FRAT2: variants seen among roughly 807,000 people sequenced by gnomAD.
The protein encoded by FRAT2 is FRAT regulator of Wnt signaling pathway 2, also known as GSK-3-binding protein FRAT2.
For missense variants in FRAT2, 326 were observed against 340.8 expected, an observed-to-expected ratio of 0.96 and a Z score of 0.34; for synonymous variants, 205 against 171.5, an observed-to-expected ratio of 1.20 and a Z score of -1.53.
rs748673124 is a variant in FRAT2, at chr10:97,333,911, G to A, written c.662C>T (p.Pro221Leu). Residue 221 changes from proline (P) to leucine (L), a missense_variant, in exon 1 of 1, where the codon CCT becomes CTT. Coordinates refer to ENST00000371019, the MANE Select transcript of FRAT2 (RefSeq NM_012083.3). Reference sequence around the variant, plus strand: ...TGAGGGCTGCAGGGCAATGCGGTCAGGTCCGCTGCGGCCTCCCCCGGGCCC... The same window carrying A: ...TGAGGGCTGCAGGGCAATGCGGTCAAGTCCGCTGCGGCCTCCCCCGGGCCC... ...APGPGGGRSG[P>L]DRIALQPSGS... 40 of 1,568,556 alleles carry A rather than the reference G, an allele frequency of 2.6e-5. No individual in the cohort carries two copies. In the Admixed American group the frequency reaches 4.3e-4, roughly 17 times the overall value.
chr10:97,333,747 G>A lies in FRAT2; in HGVS notation c.*124C>T. 5 of 1,073,228 alleles carry A rather than the reference G, an allele frequency of 4.7e-6. No homozygotes were observed. The highest frequency in any genetic ancestry group is 6.2e-6 in the Non-Finnish European group (5 of 802,970). The allele number at this position is 1,073,228 out of a possible 1,614,324, so 66.5% of individuals were successfully genotyped here. A position where few individuals can be genotyped will look rare whatever the true frequency, so the allele number is the denominator to read the frequency against. ...CTCTGGTTGAGATCTCTCCCCACGC[G>A]CCTCCCCGCAGCCAAAGTGGTCGCT... On this transcript the variant is annotated 3_prime_UTR_variant, in exon 1 of 1. Coordinates refer to ENST00000371019, the MANE Select transcript of FRAT2 (RefSeq NM_012083.3).
At position 97,332,935 on chromosome 10, in the gene FRAT2, A is replaced by AAG. The variant is rs1184589644; in HGVS notation, c.*934_*935dup. On this transcript the variant is annotated 3_prime_UTR_variant, in exon 1 of 1. Coordinates refer to ENST00000371019, the MANE Select transcript of FRAT2 (RefSeq NM_012083.3). ...AGAAAGCTCAGCTGGGAGGACAAGA[A>AAG]AGAGACTCAAGAGATCGTTTATGAC... is the stretch of plus-strand genomic sequence containing the variant. The AAG allele has an allele frequency of 6.6e-6, 1 of 152,264 alleles. No homozygotes were observed. The highest frequency in any genetic ancestry group is 1.9e-4 in the East Asian group (1 of 5,192). 9.4% of individuals were successfully genotyped at this position (152,264 alleles called of 1,614,324 possible).
chr10:97,334,672 G>C lies in FRAT2; in HGVS notation c.-100C>G, dbSNP rs927327626. ...GCGAAGCCGGAGCAGGGGCGGACGCGGAAGCCGGAGCCCGCCAGGCACTCG... is the reference window on the plus strand; with the variant it reads ...GCGAAGCCGGAGCAGGGGCGGACGCCGAAGCCGGAGCCCGCCAGGCACTCG... On this transcript the variant is annotated 5_prime_UTR_variant, in exon 1 of 1. Coordinates refer to ENST00000371019, the MANE Select transcript of FRAT2 (RefSeq NM_012083.3). The C allele has an allele frequency of 1.6e-6, 2 of 1,263,164 alleles. No individual in the cohort carries two copies. The highest frequency in any genetic ancestry group is 3.2e-5 in the East Asian group (1 of 31,508). The allele number at this position is 1,263,164 out of a possible 1,614,324, so 78.2% of individuals were successfully genotyped here.
In FRAT2 at chr10:97,334,705, C is replaced by G. The variant is rs538698316; in HGVS notation, c.-133G>C. ...GAGCCCGCCAGGCACTCGAGCCACG[C>G]GCCTGCAGCCGCTGGAGCCGGAATC... On this transcript the variant is annotated 5_prime_UTR_variant, in exon 1 of 1. Coordinates refer to ENST00000371019, the MANE Select transcript of FRAT2 (RefSeq NM_012083.3). 150 of 1,066,898 alleles carry G rather than the reference C, an allele frequency of 1.4e-4. 1 individual carries two copies. In the African/African-American group the frequency reaches 2.0e-3, roughly 14 times the overall value. 66.1% of individuals were successfully genotyped at this position (1,066,898 alleles called of 1,614,324 possible). A position where few individuals can be genotyped will look rare whatever the true frequency, so the allele number is the denominator to read the frequency against.
chr10:97,333,592 T>C lies in FRAT2; in HGVS notation c.*279A>G. On this transcript the variant is annotated 3_prime_UTR_variant, in exon 1 of 1. Coordinates refer to ENST00000371019, the MANE Select transcript of FRAT2 (RefSeq NM_012083.3). ...AGTCGATGCAAGTAGCTGCCATAGT[T>C]CTCCCAGTTTATCCCAGGTCCTTGG... 1 of 400,648 alleles carries C rather than the reference T, an allele frequency of 2.5e-6. No individual in the cohort carries two copies. The highest frequency in any genetic ancestry group is 4.4e-6 in the Non-Finnish European group (1 of 225,188). 24.8% of individuals were successfully genotyped at this position (400,648 alleles called of 1,614,324 possible).
Position 97,333,719 on chromosome 10 carries a change from C to A in FRAT2, c.*152G>T. On this transcript the variant is annotated 3_prime_UTR_variant, in exon 1 of 1. Coordinates refer to ENST00000371019, the MANE Select transcript of FRAT2 (RefSeq NM_012083.3). ...CCGACGGCCTCGCCGCGGCTGGTAACTTCTCTGGTTGAGATCTCTCCCCAC... is the reference window on the plus strand; with the variant it reads ...CCGACGGCCTCGCCGCGGCTGGTAAATTCTCTGGTTGAGATCTCTCCCCAC... The A allele has an allele frequency of 1.3e-6, 1 of 796,810 alleles. No homozygotes were observed. The allele number at this position is 796,810 out of a possible 1,614,324, so 49.4% of individuals were successfully genotyped here. A position where few individuals can be genotyped will look rare whatever the true frequency, so the allele number is the denominator to read the frequency against.
In FRAT2 at chr10:97,334,347, G is replaced by A. The variant is rs1187598503; in HGVS notation, c.226C>T (p.Pro76Ser). Residue 76 changes from proline to serine, a missense_variant, in exon 1 of 1, where the codon CCC becomes TCC. Physicochemically the swap from Pro to Ser is moderately conservative, Grantham distance 74. Transcript: ENST00000371019. Reference sequence around the variant, plus strand: ...TCCGCCGGCACCGCCGCAGCCAGGGGCCCCGGGGCCCGCAGCGGCACCCCC... The same window carrying A: ...TCCGCCGGCACCGCCGCAGCCAGGGACCCCGGGGCCCGCAGCGGCACCCCC... The part of the protein sequence containing the change: ...PPGVPLRAPG[P>S]LAAAVPADKA... 5 of 1,194,408 alleles carry A rather than the reference G, an allele frequency of 4.2e-6. No homozygotes were observed. The highest frequency in any genetic ancestry group is 3.5e-5 in the East Asian group (1 of 28,556). 74.0% of individuals were successfully genotyped at this position (1,194,408 alleles called of 1,614,324 possible).
Position 97,333,506 on chromosome 10 carries a change from C to T in FRAT2, c.*365G>A, listed in dbSNP as rs1409865186. The stretch of plus-strand genomic sequence containing the variant: ...TGTTATAAAGCCATCGCGATTCCTA[C>T]CCCTGAGCCCTCCTTAAACAATCCA... On this transcript the variant is annotated 3_prime_UTR_variant, in exon 1 of 1. Coordinates refer to ENST00000371019, the MANE Select transcript of FRAT2 (RefSeq NM_012083.3). 3 of 251,288 alleles carry T rather than the reference C, an allele frequency of 1.2e-5. No homozygotes were observed. Among genetic ancestry groups the T allele is most frequent in the African/African-American group, 2.2e-5 (1 of 45,212 alleles). 15.6% of individuals were successfully genotyped at this position (251,288 alleles called of 1,614,324 possible). A position where few individuals can be genotyped will look rare whatever the true frequency, so the allele number is the denominator to read the frequency against.
Position 97,334,648 on chromosome 10 carries a change from CGAAGCCGGAGCAGGGGCGGACGCG to C in FRAT2, c.-100_-77del, listed in dbSNP as rs1345234103. Reference sequence around the variant, plus strand: ...TTGCCCGCGGGCGCGGAGCTGCGGGCGAAGCCGGAGCAGGGGCGGACGCGGAAGCCGGAGCCCGCCAGGCACTCG... The same window carrying C: ...TTGCCCGCGGGCGCGGAGCTGCGGGCGAAGCCGGAGCCCGCCAGGCACTCG... On this transcript the variant is annotated 5_prime_UTR_variant, in exon 1 of 1. Coordinates refer to ENST00000371019, the MANE Select transcript of FRAT2 (RefSeq NM_012083.3). The C allele has an allele frequency of 4.2e-5, 54 of 1,296,538 alleles. No homozygotes were observed. In the African/African-American group the frequency reaches 6.8e-4, roughly 16 times the overall value. The allele number at this position is 1,296,538 out of a possible 1,614,324, so 80.3% of individuals were successfully genotyped here. A position where few individuals can be genotyped will look rare whatever the true frequency, so the allele number is the denominator to read the frequency against.
Position 97,334,216 on chromosome 10 carries a change from G to C in FRAT2, c.357C>G (p.Gly119=). Residue 119 remains glycine (G), a synonymous_variant, in exon 1 of 1, where the codon GGC becomes GGG. Transcript: ENST00000371019. ...GALRCALGDR[G]RVRGRAAPYC... is the part of the protein sequence containing the mutation. ...AGGGCGCAGCGCGTCCGCGCACGCG[G>C]CCGCGGTCCCCTAGGGCGCAGCGCA... is the stretch of plus-strand genomic sequence containing the variant. 1.6e-6 allele frequency: 2 copies of C among 1,258,872 alleles called. No homozygotes were observed. Among genetic ancestry groups the C allele is most frequent in the Non-Finnish European group, 2.0e-6 (2 of 1,005,924 alleles). The allele number at this position is 1,258,872 out of a possible 1,614,324, so 78.0% of individuals were successfully genotyped here. A position where few individuals can be genotyped will look rare whatever the true frequency, so the allele number is the denominator to read the frequency against.
rs1331339350 is a variant in FRAT2, at chr10:97,333,807, A to T, written c.*64T>A. ...GCGACGTCGGCTTCAGCTCAGAGTTAGTAGGAACTGGACGCTGTTGGGTCT... is the reference window on the plus strand; with the variant it reads ...GCGACGTCGGCTTCAGCTCAGAGTTTGTAGGAACTGGACGCTGTTGGGTCT... On this transcript the variant is annotated 3_prime_UTR_variant, in exon 1 of 1. Transcript: ENST00000371019. 2 of 1,393,960 alleles carry T rather than the reference A, an allele frequency of 1.4e-6. No homozygotes were observed. Among genetic ancestry groups the T allele is most frequent in the African/African-American group, 3.0e-5 (2 of 66,706 alleles). The allele number at this position is 1,393,960 out of a possible 1,614,324, so 86.3% of individuals were successfully genotyped here. A position where few individuals can be genotyped will look rare whatever the true frequency, so the allele number is the denominator to read the frequency against.
At position 97,334,026 on chromosome 10, in the gene FRAT2, C is replaced by A. The variant is rs778321683; in HGVS notation, c.547G>T (p.Val183Leu). ...TCCTTGATGAGGTTTCCCGAGAGCACGAGCTGCTGGAGGAGCCGATGCGGG... is the reference window on the plus strand; with the variant it reads ...TCCTTGATGAGGTTTCCCGAGAGCAAGAGCTGCTGGAGGAGCCGATGCGGG... ...DDPHRLLQQL[V>L]LSGNLIKEAV... The change falls in exon 1 of 1, where the codon GTG becomes TTG. Residue 183 changes from valine (V) to leucine (L), a missense_variant. By Grantham distance (32) the Val-to-Leu change is conservative. Coordinates refer to ENST00000371019, the MANE Select transcript of FRAT2 (RefSeq NM_012083.3). The A allele has an allele frequency of 8.8e-6, 14 of 1,595,876 alleles. No homozygotes were observed. Among genetic ancestry groups the A allele is most frequent in the Non-Finnish European group, 1.2e-5 (14 of 1,178,612 alleles).
Position 97,334,523 on chromosome 10 carries a change from CCCTCCG to C in FRAT2, c.44_49del (p.Ala15_Glu16del), listed in dbSNP as rs1403897341. 6.7e-6 allele frequency: 10 copies of C among 1,494,730 alleles called. No individual in the cohort carries two copies. Among genetic ancestry groups the C allele is most frequent in the South Asian group, 3.7e-5 (3 of 80,428 alleles). 92.6% of individuals were successfully genotyped at this position (1,494,730 alleles called of 1,614,324 possible). ...GAAGCTGTCGTCCTCCTCTTCCTCC[CCCTCCG>C]CCTCCTCGCCGGCTTCCTCTTCCTC... On this transcript the variant is annotated inframe_deletion, in exon 1 of 1. Coordinates refer to ENST00000371019, the MANE Select transcript of FRAT2 (RefSeq NM_012083.3).
At position 97,334,309 on chromosome 10, in the gene FRAT2, G is replaced by T. The variant is rs1391145222; in HGVS notation, c.264C>A (p.Pro88=). The T allele has an allele frequency of 8.8e-7, 1 of 1,136,404 alleles. No homozygotes were observed. The highest frequency in any genetic ancestry group is 4.8e-5 in the East Asian group (1 of 20,926). The allele number at this position is 1,136,404 out of a possible 1,614,324, so 70.4% of individuals were successfully genotyped here. A position where few individuals can be genotyped will look rare whatever the true frequency, so the allele number is the denominator to read the frequency against. ...GCGGCAGCAGCAGCGGCACCGCCGG[G>T]GGCCGGGCCTTGTCCGCCGGCACCG... ...AAAVPADKAR[P]PAVPLLLPPA... is the part of the protein sequence containing the mutation. Residue 88 remains proline, a synonymous_variant, in exon 1 of 1, where the codon CCC becomes CCA. Transcript: ENST00000371019.
rs1843546856 is a variant in FRAT2 at position 97,333,761 on chromosome 10, A to G, written c.*110T>C. 3.3e-6 allele frequency: 4 copies of G among 1,229,274 alleles called. No homozygotes were observed. The highest frequency in any genetic ancestry group is 4.2e-6 in the Non-Finnish European group (4 of 945,234). The allele number at this position is 1,229,274 out of a possible 1,614,324, so 76.1% of individuals were successfully genotyped here. On this transcript the variant is annotated 3_prime_UTR_variant, in exon 1 of 1. Coordinates refer to ENST00000371019, the MANE Select transcript of FRAT2 (RefSeq NM_012083.3). ...TCTCCCCACGCGCCTCCCCGCAGCC[A>G]AAGTGGTCGCTCCCAGGCTGGCGAC...
Position 97,334,373 on chromosome 10 carries a change from G to A in FRAT2, c.200C>T (p.Pro67Leu), listed in dbSNP as rs1350730978. Residue 67 changes from proline (P) to leucine (L), a missense_variant, in exon 1 of 1, where the codon CCG (proline) becomes CTG (leucine). Coordinates refer to ENST00000371019, the MANE Select transcript of FRAT2 (RefSeq NM_012083.3). ...CCCCGGGGCCCGCAGCGGCACCCCC[G>A]GGGGCGCGCACGGCGAGGCCGGGCT... ...QDSPASPCAPPGVPLRAPGPL... is the reference protein window; with the variant it reads ...QDSPASPCAPLGVPLRAPGPL... 2.4e-6 allele frequency: 3 copies of A among 1,238,832 alleles called. No individual in the cohort carries two copies. Among genetic ancestry groups the A allele is most frequent in the South Asian group, 3.4e-5 (1 of 29,218 alleles). The allele number at this position is 1,238,832 out of a possible 1,614,324, so 76.7% of individuals were successfully genotyped here. A position where few individuals can be genotyped will look rare whatever the true frequency, so the allele number is the denominator to read the frequency against.
rs945530728 is a variant in FRAT2 at position 97,332,729 on chromosome 10, G to C, written c.*1142C>G. The C allele has an allele frequency of 6.6e-6, 1 of 152,176 alleles. No homozygotes were observed. Among genetic ancestry groups the C allele is most frequent in the Admixed American group, 6.5e-5 (1 of 15,272 alleles). The allele number at this position is 152,176 out of a possible 1,614,324, so 9.4% of individuals were successfully genotyped here. A position where few individuals can be genotyped will look rare whatever the true frequency, so the allele number is the denominator to read the frequency against. On this transcript the variant is annotated 3_prime_UTR_variant, in exon 1 of 1. Transcript: ENST00000371019. ...ACAGCCAGCGGCTTCTTCTCTGGGA[G>C]AGTCACATTTTAAAACCGGTTTCAG...
chr10:97,333,941 G>T lies in FRAT2; in HGVS notation c.632C>A (p.Ala211Asp). 2 of 1,575,258 alleles carry T rather than the reference G, an allele frequency of 1.3e-6. No homozygotes were observed. The change falls in exon 1 of 1, where the codon GCC becomes GAC. Residue 211 changes from alanine (A) to aspartate (D), a missense_variant. Transcript: ENST00000371019. ...AAVAATGPAS[A>D]PGPGGGRSGP... Reference sequence around the variant, plus strand: ...GCTGCGGCCTCCCCCGGGCCCAGGGGCGCTTGCGGGGCCCGTGGCTGCAAC... The same window carrying T: ...GCTGCGGCCTCCCCCGGGCCCAGGGTCGCTTGCGGGGCCCGTGGCTGCAAC...
At position 97,333,588 on chromosome 10, in the gene FRAT2, T is replaced by C. The variant is rs1843545247; in HGVS notation, c.*283A>G. 2.6e-6 allele frequency: 1 copy of C among 392,078 alleles called. No individual in the cohort carries two copies. The highest frequency in any genetic ancestry group is 4.5e-6 in the Non-Finnish European group (1 of 219,792). 24.3% of individuals were successfully genotyped at this position (392,078 alleles called of 1,614,324 possible). Reference sequence around the variant, plus strand: ...TACAAGTCGATGCAAGTAGCTGCCATAGTTCTCCCAGTTTATCCCAGGTCC... The same window carrying C: ...TACAAGTCGATGCAAGTAGCTGCCACAGTTCTCCCAGTTTATCCCAGGTCC... On this transcript the variant is annotated 3_prime_UTR_variant, in exon 1 of 1. Coordinates refer to ENST00000371019, the MANE Select transcript of FRAT2 (RefSeq NM_012083.3).
Sources: allele counts gnomAD v4.1 joint callset, GRCh38; gene constraint gnomAD v4.1.1; transcripts MANE v1.5; gene names NCBI Gene and HGNC (gene_info 2026-07-23, HGNC 2026-07-21).